The following ANKFN1 variants were observed in gnomAD, a reference collection of about 807,000 sequenced individuals.
The protein encoded by ANKFN1 is ankyrin repeat and fibronectin type III domain containing 1, also known as ankyrin repeat and fibronectin type-III domain-containing protein 1.
A neutral mutation model predicts 108.7 loss-of-function variants in ANKFN1; 74 were observed. The observed-to-expected ratio is 0.68, with a 90% CI of 0.56 to 0.83. The LOEUF (loss-of-function observed/expected upper bound fraction) is 0.83, where lower values mean the gene tolerates loss of function less well. Ranked by LOEUF, ANKFN1 falls within the 40% of genes least tolerant of loss-of-function variation. ANKFN1 has a pLI of 0.00. For missense variants in ANKFN1, 1,505 were observed against 1,382.3 expected (o/e 1.09, Z -1.41); for synonymous variants, 547 against 516.2 (o/e 1.06, Z -0.81).
At chr17:56,172,773 C>G (rs1224478264) in intron 1 of ANKFN1, among the ~76,000 whole-genome samples, 1 of 152,170 alleles carries the variant, frequency 6.6e-6, no homozygotes, top group Non-Finnish European at 1.5e-5. Flanking sequence ...TCAGCTGGCT[C>G]TTGTCCCACG....
intron 19 of ANKFN1, among the ~76,000 whole-genome samples, chr17:56,495,302 T>A (rs2051164326): frequency 6.7e-6 from 1 of 150,108 alleles, no homozygotes; most frequent in Non-Finnish European, 1.5e-5. Flanking sequence ...TCCCTTTATG[T>A]TGACTTTGTG....
intron 4 of ANKFN1, among the ~76,000 whole-genome samples, chr17:56,327,234 G>C (rs917097147): frequency 8.5e-5 from 13 of 152,108 alleles, no homozygotes; most frequent in African/African-American, 3.1e-4. Flanking sequence ...AATGTAGAAA[G>C]ATCTTGCTTT....
chr17:56,208,110 A>G (rs2143795487), intron 1 of ANKFN1, among the ~76,000 whole-genome samples: 1 of 152,298 alleles, frequency 6.6e-6, no homozygotes, highest in Admixed American at 6.5e-5. Flanking sequence ...CCCGGGCTCA[A>G]GCAATTCTCC....
At chr17:56,215,029 T>C (rs9905454) in intron 2 of ANKFN1, among the ~76,000 whole-genome samples, 113,205 of 152,166 alleles carry the variant, frequency 0.74, 43,270 homozygotes, top group East Asian at 0.94. Context: ...GGAAATCCAC[T>C]CACTTTTCCA....
intron 20 of ANKFN1, among the ~76,000 whole-genome samples, chr17:56,507,571 C>T (rs558313512): frequency 6.6e-4 from 100 of 152,242 alleles, no homozygotes; most frequent in African/African-American, 2.0e-3. Context: ...TCAGTTCATC[C>T]CCTCCTTGAT....
At chr17:56,356,715 G>A (rs1341308999) in intron 6 of ANKFN1, among the ~76,000 whole-genome samples, 4 of 152,092 alleles carry the variant, frequency 2.6e-5, no homozygotes, top group Admixed American at 6.6e-5. Context: ...GCTGCCTTCC[G>A]GTTTATTCTG....
At chr17:56,454,381 C>T (rs2049609747) in intron 11 of ANKFN1, among the ~76,000 whole-genome samples, 1 of 152,114 alleles carries the variant, frequency 6.6e-6, no homozygotes, top group Non-Finnish European at 1.5e-5. Context: ...TAATGATAGG[C>T]TTTGTTTCAT....
At chr17:56,119,091 C>A (rs1906449556) in intron 4 of ANKFN1, among the ~76,000 whole-genome samples, 1 of 151,928 alleles carries the variant, frequency 6.6e-6, no homozygotes, top group African/African-American at 2.4e-5. Flanking sequence ...GAGACATAAA[C>A]AGTTGGAAAT....
intron 3 of ANKFN1, among the ~76,000 whole-genome samples, chr17:56,289,679 G>A (rs1444104035): frequency 3.3e-5 from 5 of 152,148 alleles, no homozygotes; most frequent in African/African-American, 4.8e-5. Flanking sequence ...TCCTCCCTTC[G>A]GGATTGCTTT....
At chr17:56,415,433 G>C (rs1327547022) in intron 8 of ANKFN1, among the ~76,000 whole-genome samples, 1 of 152,102 alleles carries the variant, frequency 6.6e-6, no homozygotes, top group African/African-American at 2.4e-5. Flanking sequence ...TGACTAATCT[G>C]AAAAAGAAAT....
intron 11 of ANKFN1, among the ~76,000 whole-genome samples, chr17:56,455,413 C>T (rs137934033): frequency 2.0e-5 from 3 of 152,316 alleles, no homozygotes; most frequent in Admixed American, 6.5e-5. Flanking sequence ...CAAGGAATAA[C>T]CATTACCAAC....
At chr17:56,386,285 C>T (rs573407685) in intron 8 of ANKFN1, among the ~76,000 whole-genome samples, 48 of 150,390 alleles carry the variant, frequency 3.2e-4, no homozygotes, top group African/African-American at 1.0e-3. Flanking sequence ...AACACATGGA[C>T]GCAGGAAGGG....
rs1197364575 is a variant in ANKFN1 at position 56,511,075 on chromosome 17, G to A, written c.3247G>A (p.Ala1083Thr). 8 of 1,535,872 alleles carry A rather than the reference G, an allele frequency of 5.2e-6. No individual in the cohort carries two copies. The highest frequency in any genetic ancestry group is 2.0e-5 in the Admixed American group (1 of 50,990). The change falls in exon 21 of 21, where the codon GCG (alanine) becomes ACG (threonine). Residue 1083 changes from alanine (A) to threonine (T), a missense_variant. Coordinates refer to ENST00000682825, the MANE Select transcript of ANKFN1 (RefSeq NM_001370326.1). ...GGAGCGGAACAGCAGTCTCCAGGAC[G>A]CGAGGCCTTCCGTCCGCCGCCTCTA... ...PEERNSSLQD[A>T]RPSVRRLYVE...
In ANKFN1 at chr17:56,229,351, C is replaced by T. The variant is rs151095073; in HGVS notation, c.53+1394C>T. Among the ~76,000 whole-genome samples the T allele has an allele frequency of 3.7e-3, 561 of 152,124 alleles. 9 individuals carry two copies. The highest frequency in any genetic ancestry group is 0.034 in the Admixed American group (526 of 15,248). ...AGTATATTGTTTGTACAAATGTTAA[C>T]TTTTGACTGTATTATTTCTTTTGAA... On this transcript the variant is annotated intron_variant, in intron 3 of 20. Transcript: ENST00000682825.
At chr17:56,246,267 G>C (rs890131384) in intron 3 of ANKFN1, among the ~76,000 whole-genome samples, 1 of 152,252 alleles carries the variant, frequency 6.6e-6, no homozygotes, top group South Asian at 2.1e-4. Context: ...CTATGATCAA[G>C]TGTAGTATCA....
intron 5 of ANKFN1, among the ~76,000 whole-genome samples, chr17:56,353,298 C>A (rs181204737): frequency 8.1e-4 from 123 of 151,384 alleles, no homozygotes; most frequent in Middle Eastern, 3.4e-3. Context: ...TTCAGTGGCG[C>A]AATCTCAGCT....
intron 1 of ANKFN1, among the ~76,000 whole-genome samples, chr17:56,189,579 A>T (rs1272038064): frequency 6.6e-6 from 1 of 152,174 alleles, no homozygotes; most frequent in Non-Finnish European, 1.5e-5. Context: ...ATAACCTGGG[A>T]CTTTTGGGAT....
At chr17:56,340,999 T>C (rs965786732) in intron 4 of ANKFN1, among the ~76,000 whole-genome samples, 7 of 152,128 alleles carry the variant, frequency 4.6e-5, no homozygotes, top group African/African-American at 1.7e-4. Context: ...GTTTTAGTTC[T>C]CCTTGTAGAG....
At chr17:56,436,079 C>T (rs1413191513) in intron 8 of ANKFN1, among the ~76,000 whole-genome samples, 1 of 152,128 alleles carries the variant, frequency 6.6e-6, no homozygotes, top group African/African-American at 2.4e-5. Flanking sequence ...ATCTTCCAGC[C>T]TGTGATTTAC....
Sources: gnomAD v4.1 joint callset for allele counts (sites outside exome capture counted in the v4.1 genomes callset) on GRCh38, gnomAD v4.1.1 for gene constraint, MANE v1.5 for transcripts, NCBI Gene and HGNC (gene_info 2026-07-23, HGNC 2026-07-21) for gene names.